The following RASGRP1 variants were observed in gnomAD, a reference collection of about 807,000 sequenced individuals.
RASGRP1 encodes the protein RAS guanyl releasing protein 1, also known as RAS guanyl-releasing protein 1.
RASGRP1 carries 37 observed loss-of-function variants against 95.1 expected under a neutral mutation model. That is an observed-to-expected ratio of 0.39 (90% confidence interval 0.30 to 0.51). The LOEUF (loss-of-function observed/expected upper bound fraction) is 0.51, where lower values mean the gene tolerates loss of function less well. Among genes scored for constraint, RASGRP1 ranks in the 20% least tolerant of loss-of-function variants. RASGRP1 has a pLI of 0.80. For synonymous variants in RASGRP1, 325 were observed against 353.4 expected (o/e 0.92, Z 0.90); for missense variants, 711 against 965.4 (o/e 0.74, Z 3.49).
At chr15:38,532,963 C>T (rs1892505119) in intron 2 of RASGRP1, among the ~76,000 whole-genome samples, 1 of 152,176 alleles carries the variant, frequency 6.6e-6, no homozygotes, top group East Asian at 1.9e-4. Flanking sequence ...GGCCAGCTTT[C>T]CTACAGTGAA....
At chr15:38,541,435 A>T (rs1892854687) in intron 2 of RASGRP1, among the ~76,000 whole-genome samples, 1 of 152,080 alleles carries the variant, frequency 6.6e-6, no homozygotes, top group Non-Finnish European at 1.5e-5. Context: ...TACTGAGAAT[A>T]AAAAAATATT....
intron 2 of RASGRP1, among the ~76,000 whole-genome samples, chr15:38,549,823 G>A (rs1437824355): frequency 6.6e-6 from 1 of 151,054 alleles, no homozygotes; most frequent in Non-Finnish European, 1.5e-5. Flanking sequence ...TACTCTTTGG[G>A]GAAAAAAAAA....
At chr15:38,494,797 T>C in intron 15 of RASGRP1, 30 bp from the exon 16 acceptor site, 1 of 1,398,978 alleles carries the variant, frequency 7.1e-7, no homozygotes, top group South Asian at 2.0e-5. Flanking sequence ...ATGCTAGTAC[T>C]CTAGCTCAGG....
rs1273819783 is a variant in RASGRP1 at position 38,511,828 on chromosome 15, TAA to T, written c.850-110_850-109del. On this transcript the variant is annotated intron_variant, in intron 7 of 16. Transcript: ENST00000310803. ...TGCCGTGAGTCTCCCTTACGCTGGT[TAA>T]AGACTAGTTACGAGGCATTGCAATT... is the stretch of plus-strand genomic sequence containing the variant. The T allele has an allele frequency of 1.4e-5, 10 of 735,912 alleles. No homozygotes were observed. The East Asian group carries it at 2.4e-4, about 17-fold the overall frequency. 45.6% of individuals were successfully genotyped at this position (735,912 alleles called of 1,614,324 possible).
chr15:38,517,316 G>C (rs1212158384), intron 5 of RASGRP1, among the ~76,000 whole-genome samples: 1 of 152,306 alleles, frequency 6.6e-6, no homozygotes. Flanking sequence ...GGGACAAGGA[G>C]AGCTGGGGTT....
At position 38,498,793 on chromosome 15, in the gene RASGRP1, C is replaced by G; in HGVS notation, c.1873+1G>C. On this transcript the variant is annotated splice_donor_variant, in intron 15 of 16. Transcript: ENST00000310803. LOFTEE classifies it high-confidence loss of function. ...GATGAATGTTCCCAGTGCCTACTTA[C>G]CATGGAGCAGATCTTTGGCTCCCAA... 2 of 1,612,598 alleles carry G rather than the reference C, an allele frequency of 1.2e-6. No individual in the cohort carries two copies. Among genetic ancestry groups the G allele is most frequent in the Non-Finnish European group, 1.7e-6 (2 of 1,179,502 alleles).
rs1017681694 is a variant in RASGRP1, at chr15:38,520,160, C to A, written c.327-789G>T. On this transcript the variant is annotated intron_variant, in intron 3 of 16. Transcript: ENST00000310803. ...AATGCAGTGATGAGCCCGAATAGGT[C>A]CTGCCATTTCCCATCAACAGACTGA... is the stretch of plus-strand genomic sequence containing the variant. 3.3e-5 allele frequency among the ~76,000 whole-genome samples: 5 copies of A among 152,156 alleles called. 1 individual carries two copies. Among genetic ancestry groups the A allele is most frequent in the Admixed American group, 3.3e-4 (5 of 15,264 alleles).
At chr15:38,513,492 C>T (rs1374721069) in intron 6 of RASGRP1, among the ~76,000 whole-genome samples, 6 of 152,102 alleles carry the variant, frequency 3.9e-5, no homozygotes, top group South Asian at 4.1e-4. Flanking sequence ...TGTAAGGTTG[C>T]GCTAATGGAG....
At chr15:38,500,351 T>C (rs1224858185) in intron 13 of RASGRP1, among the ~76,000 whole-genome samples, 2 of 151,838 alleles carry the variant, frequency 1.3e-5, no homozygotes. Flanking sequence ...TTTTTTTGTT[T>C]TGTTTTTTTT....
chr15:38,492,422 T>C (rs1890620431), intron 16 of RASGRP1, among the ~76,000 whole-genome samples: 1 of 152,174 alleles, frequency 6.6e-6, no homozygotes, highest in Non-Finnish European at 1.5e-5. Context: ...TTGAGGACAA[T>C]GCAGGGAATC....
chr15:38,509,018 G>A (rs1454243154), intron 8 of RASGRP1, among the ~76,000 whole-genome samples: 1 of 152,158 alleles, frequency 6.6e-6, no homozygotes, highest in African/African-American at 2.4e-5. Flanking sequence ...ACCCACAAAT[G>A]TAATGCCATT....
intron 2 of RASGRP1, among the ~76,000 whole-genome samples, chr15:38,552,433 C>G (rs924969250): frequency 6.6e-6 from 1 of 152,192 alleles, no homozygotes; most frequent in Admixed American, 6.5e-5. Context: ...TAACAATGGG[C>G]TCTCCAGGGG....
At position 38,516,181 on chromosome 15, in the gene RASGRP1, C is replaced by A; in HGVS notation, c.675+16G>T. 6.4e-7 allele frequency: 1 copy of A among 1,562,550 alleles called. No individual in the cohort carries two copies. Among genetic ancestry groups the A allele is most frequent in the Non-Finnish European group, 8.8e-7 (1 of 1,134,854 alleles). ...TATCCCAGGGAAGATTTTTCTCCTGCCCCTTGCATACATACCGATATCCTC... is the reference window on the plus strand; with the variant it reads ...TATCCCAGGGAAGATTTTTCTCCTGACCCTTGCATACATACCGATATCCTC... On this transcript the variant is annotated intron_variant, in intron 6 of 16. Transcript: ENST00000310803.
chr15:38,552,428 A>G (rs1276803156), intron 2 of RASGRP1, among the ~76,000 whole-genome samples: 1 of 152,192 alleles, frequency 6.6e-6, no homozygotes, highest in Non-Finnish European at 1.5e-5. Context: ...ATGTTTAACA[A>G]TGGGCTCTCC....
chr15:38,559,135 C>T lies in RASGRP1; in HGVS notation c.220+686G>A, dbSNP rs1435349967. On this transcript the variant is annotated intron_variant, in intron 2 of 16. Coordinates refer to ENST00000310803, the MANE Select transcript of RASGRP1 (RefSeq NM_005739.4). ...TTAGTACTTTTCAATCACTATTTCA[C>T]AAATAAAAATCCAAAAATACACCAC... Among the ~76,000 whole-genome samples the T allele has an allele frequency of 2.0e-5, 3 of 152,146 alleles. No homozygotes were observed. In the East Asian group the frequency reaches 5.8e-4, roughly 29 times the overall value.
Position 38,507,977 on chromosome 15 carries a change from G to A in RASGRP1, c.991C>T (p.Leu331=), listed in dbSNP as rs777722102. 1 of 1,606,964 alleles carries A rather than the reference G, an allele frequency of 6.2e-7. No individual in the cohort carries two copies. The highest frequency in any genetic ancestry group is 8.5e-7 in the Non-Finnish European group (1 of 1,177,170). ...TTGTCGTAGTTTCTGGAGGAGGACA[G>A]CAGCTCAGTCATCTCACCGAGAACC... ...NKVLGEMTEL[L]SSSRNYDNYR... Residue 331 remains leucine (L), a synonymous_variant, in exon 9 of 17, where the codon CTG becomes TTG. Coordinates refer to ENST00000310803, the MANE Select transcript of RASGRP1 (RefSeq NM_005739.4).
chr15:38,512,548 T>C (rs968581517), intron 7 of RASGRP1, among the ~76,000 whole-genome samples: 1 of 152,200 alleles, frequency 6.6e-6, no homozygotes, highest in East Asian at 1.9e-4. Flanking sequence ...GATCTAAAAC[T>C]GGATCCTGAC....
At chr15:38,499,580 C>T (rs905998268) in intron 14 of RASGRP1, among the ~76,000 whole-genome samples, 4 of 152,146 alleles carry the variant, frequency 2.6e-5, no homozygotes, top group South Asian at 2.1e-4. Context: ...GGTCATTCAC[C>T]GGGGGTGTCC....
intron 2 of RASGRP1, among the ~76,000 whole-genome samples, chr15:38,550,875 C>T (rs1200051083): frequency 1.3e-5 from 2 of 152,068 alleles, no homozygotes; most frequent in African/African-American, 2.4e-5. Context: ...GTATTTTCTA[C>T]GTTCTCTATG....
Sources: allele counts gnomAD v4.1 joint callset (sites outside exome capture counted in the v4.1 genomes callset), GRCh38; gene constraint gnomAD v4.1.1; transcripts MANE v1.5; gene names NCBI Gene and HGNC (gene_info 2026-07-23, HGNC 2026-07-21).